FAM161B: variants seen among roughly 807,000 people sequenced by gnomAD.
FAM161B encodes protein FAM161B.
FAM161B carries 46 observed loss-of-function variants against 61.5 expected under a neutral mutation model. The observed-to-expected ratio is 0.75, with a 90% confidence interval of 0.59 to 0.96. The LOEUF (loss-of-function observed/expected upper bound fraction) is 0.96. Among genes scored for constraint, FAM161B ranks in the 40% least tolerant of loss-of-function variants. The probability of loss-of-function intolerance (pLI) is 0.00; values close to 1 mark genes in which losing one functional copy is unlikely to be tolerated. For synonymous variants in FAM161B, 284 were observed against 302.7 expected, an observed-to-expected ratio of 0.94 and a Z score of 0.64; for missense variants, 774 against 800.7, an observed-to-expected ratio of 0.97 and a Z score of 0.40.
At chr14:73,942,282 G>C (rs2056025728) in intron 4 of FAM161B, 87 bp downstream of exon 4, 3 of 1,351,318 alleles carry the variant, frequency 2.2e-6, no homozygotes, top group Admixed American at 2.3e-5. Flanking sequence ...GGAAAACCTT[G>C]TTGAGAAGTG....
At chr14:73,929,876 G>C (rs1350625981), downstream of FAM161B, among the ~76,000 whole-genome samples, 2 of 151,862 alleles carry the variant, frequency 1.3e-5, no homozygotes, top group Non-Finnish European at 2.9e-5. Context: ...TCACCTCTCT[G>C]GTTCAGGTGG....
rs11358501 is a variant in FAM161B at position 73,941,108 on chromosome 14, C to CTT, written c.1273-57_1273-56dup. On this transcript the variant is annotated intron_variant, in intron 4 of 8. Transcript: ENST00000286544. Reference sequence around the variant, plus strand: ...GACAGCATGTGTGATTAGTTTCTATCTTTTTTTTTTTTTTTTTTTTTTGAG... The same window carrying CTT: ...GACAGCATGTGTGATTAGTTTCTATCTTTTTTTTTTTTTTTTTTTTTTTTGAG... 4.3e-3 allele frequency: 4,102 copies of CTT among 952,598 alleles called. 5 individuals carry two copies. The highest frequency in any genetic ancestry group is 0.013 in the South Asian group (697 of 53,370). The allele number at this position is 952,598 out of a possible 1,614,324, so 59.0% of individuals were successfully genotyped here. A position where few individuals can be genotyped will look rare whatever the true frequency, so the allele number is the denominator to read the frequency against.
chr14:73,940,967 C>T lies in FAM161B; in HGVS notation c.1359G>A (p.Val453=). Reference sequence around the variant, plus strand: ...TCTTCCTGGTGGCATCTGTGATGTGCACAGGGAGAGTGTTGGCAGAGAGGG... The same window carrying T: ...TCTTCCTGGTGGCATCTGTGATGTGTACAGGGAGAGTGTTGGCAGAGAGGG... ...LASLSANTLP[V]HITDATRKRE... The change falls in exon 5 of 9, where the codon GTG becomes GTA. Residue 453 remains valine, a synonymous_variant. Transcript: ENST00000286544. 1 of 1,613,856 alleles carries T rather than the reference C, an allele frequency of 6.2e-7. No homozygotes were observed. Among genetic ancestry groups the T allele is most frequent in the Non-Finnish European group, 8.5e-7 (1 of 1,179,856 alleles).
In FAM161B at chr14:73,944,860, A is replaced by G. The variant is rs1379137603; in HGVS notation, c.400T>C (p.Ser134Pro). 1.3e-6 allele frequency: 2 copies of G among 1,524,384 alleles called. No individual in the cohort carries two copies. 94.4% of individuals were successfully genotyped at this position (1,524,384 alleles called of 1,614,324 possible). The change falls in exon 3 of 9, where the codon TCC (serine) becomes CCC (proline). Residue 134 changes from serine (S) to proline (P), a missense_variant. Transcript: ENST00000286544. ...LRCGSTRRCS[S>P]LNNLPSNIPR... ...ATGTTGGAGGGAAGGTTGTTCAGGG[A>G]GCTGCAGCGCCTTGTGGAGCCACAC...
At chr14:73,924,567 T>A in the FAM161B span, 5 of 366,726 alleles carry the variant, frequency 1.4e-5, no homozygotes, top group African/African-American at 8.7e-5. Context: ...GTGGATGACT[T>A]CATCACGAGC....
intron 5 of FAM161B, among the ~76,000 whole-genome samples, chr14:73,938,697 G>T (rs1328323111): frequency 6.6e-6 from 1 of 151,814 alleles, no homozygotes; most frequent in Non-Finnish European, 1.5e-5. Flanking sequence ...GCATGAACCT[G>T]GGAGGCGGAG....
At position 73,949,943 on chromosome 14, in the gene FAM161B, T is replaced by G. The variant is rs116578534; in HGVS notation, c.54+30A>C. The G allele has an allele frequency of 3.1e-3, 5,005 of 1,611,776 alleles. 135 individuals carry two copies. In the African/African-American group the frequency reaches 0.055, roughly 18 times the overall value. On this transcript the variant is annotated intron_variant, in intron 1 of 8. Coordinates refer to ENST00000286544, the MANE Select transcript of FAM161B (RefSeq NM_152445.3). ...AACAGTTTCCTCTCCGGGATTCCTT[T>G]CCCGGGGGCAGTCTCTTTTCTCTCC...
downstream of FAM161B, among the ~76,000 whole-genome samples, chr14:73,928,617 A>G (rs912028985): frequency 5.9e-5 from 9 of 152,162 alleles, no homozygotes; most frequent in African/African-American, 1.9e-4. Flanking sequence ...GCCCACTTAC[A>G]GCCTCAGGGA....
chr14:73,923,418 C>T, the FAM161B span: 14 of 1,613,616 alleles, frequency 8.7e-6, no homozygotes, highest in African/African-American at 2.7e-5. Context: ...AGGATCCCCA[C>T]GTTCCCTGTC....
chr14:73,931,496 T>C, downstream of FAM161B: 2 of 1,606,844 alleles, frequency 1.2e-6, no homozygotes, highest in Non-Finnish European at 1.7e-6. Flanking sequence ...CTTTCAATCT[T>C]TTACAGTTAC....
chr14:73,944,457 AG>A lies in FAM161B; in HGVS notation c.802del (p.Leu268Ter), dbSNP rs770752558. ...PFSFLEKEEQLKEAARQRDLA... is the reference protein window; with the variant it reads ...PFSFLEKEEQXKEAARQRDLA... ...GTCTCTCTGTCGAGCAGCTTCCTTT[AG>A]CTGCTCCTCCTTCTCCAGGAAGCTG... On this transcript the variant is annotated frameshift_variant, in exon 3 of 9. Coordinates refer to ENST00000286544, the MANE Select transcript of FAM161B (RefSeq NM_152445.3). LOFTEE classifies it high-confidence loss of function. The A allele has an allele frequency of 6.2e-7, 1 of 1,613,752 alleles. No homozygotes were observed. Among genetic ancestry groups the A allele is most frequent in the Non-Finnish European group, 8.5e-7 (1 of 1,179,796 alleles).
intron 5 of FAM161B, among the ~76,000 whole-genome samples, chr14:73,940,570 A>C (rs910911764): frequency 6.6e-6 from 1 of 152,010 alleles, no homozygotes; most frequent in Non-Finnish European, 1.5e-5. Context: ...CAGGCTGCCC[A>C]GTGCCCTCAC....
chr14:73,930,093 T>C (rs560741565), downstream of FAM161B, among the ~76,000 whole-genome samples: 96 of 152,300 alleles, frequency 6.3e-4, no homozygotes, highest in South Asian at 8.3e-4. Flanking sequence ...GACTACCTCT[T>C]AGAATGCTTT....
At chr14:73,937,873 C>A (rs2055983501) in intron 6 of FAM161B, 75 bp downstream of exon 6, 1 of 1,591,438 alleles carries the variant, frequency 6.3e-7, no homozygotes, top group African/African-American at 1.4e-5. Context: ...CTCTATTTTG[C>A]ATTTTCTGGC....
intron 4 of FAM161B, 55 bp from the exon 5 acceptor site, chr14:73,941,108 C>CT (rs11358501): frequency 0.044 from 41,598 of 943,970 alleles, 1,017 homozygotes; most frequent in African/African-American, 0.2. Context: ...TAGTTTCTAT[C>CT]TTTTTTTTTT....
chr14:73,931,434 T>C (rs537753457), downstream of FAM161B: 5 of 1,425,498 alleles, frequency 3.5e-6, no homozygotes, highest in Admixed American at 7.2e-5. Context: ...CTTAATACTT[T>C]TTACTATGAA....
chr14:73,936,883 A>C (rs1344828108), intron 7 of FAM161B, among the ~76,000 whole-genome samples: 1 of 152,174 alleles, frequency 6.6e-6, no homozygotes, highest in Non-Finnish European at 1.5e-5. Flanking sequence ...ACTGGAGAGG[A>C]AAGAGATCCA....
chr14:73,931,361 T>C (rs961111203), downstream of FAM161B: 3 of 657,322 alleles, frequency 4.6e-6, no homozygotes, highest in Non-Finnish European at 8.0e-6. Flanking sequence ...AGTCCGTGCA[T>C]GTGTTTGCTT....
chr14:73,949,775 G>A (rs2056115717), intron 1 of FAM161B, among the ~76,000 whole-genome samples, 198 bp downstream of exon 1: 1 of 152,300 alleles, frequency 6.6e-6, no homozygotes, highest in African/African-American at 2.4e-5. Flanking sequence ...AAAACTGAGT[G>A]ACATTGCCTA....
Sources: allele counts gnomAD v4.1 joint callset (sites outside exome capture counted in the v4.1 genomes callset), GRCh38; gene constraint gnomAD v4.1.1; transcripts MANE v1.5; gene names NCBI Gene and HGNC (gene_info 2026-07-23, HGNC 2026-07-21).